CSMD1: variants seen among roughly 807,000 people sequenced by gnomAD.
CSMD1 encodes the protein CUB and sushi domain-containing protein 1.
In CSMD1, 213 loss-of-function variants were observed where a neutral mutation model predicts 417.5. The observed-to-expected ratio is 0.51, with a 90% confidence interval of 0.46 to 0.57. CSMD1 has a LOEUF of 0.57. CSMD1 is among the 20% of genes least tolerant of loss of function. CSMD1 has a pLI of 0.00. For missense variants in CSMD1, 6,923 were observed against 4,529.7 expected (o/e 1.53, Z -15.17); for synonymous variants, 2,862 against 1,736.8 (o/e 1.65, Z -16.11).
intron 26 of CSMD1, among the ~76,000 whole-genome samples, chr8:3,236,426 A>G (rs1468883388): frequency 2.6e-5 from 4 of 152,356 alleles, no homozygotes; most frequent in East Asian, 3.9e-4. Flanking sequence ...AAAACCAATA[A>G]GAAGGCTTGA....
At chr8:4,832,517 G>A (rs532708925) in intron 1 of CSMD1, among the ~76,000 whole-genome samples, 5 of 152,310 alleles carry the variant, frequency 3.3e-5, no homozygotes, top group East Asian at 1.9e-4. Context: ...AAGGAACTGT[G>A]TGAGCTAAAA....
intron 6 of CSMD1, among the ~76,000 whole-genome samples, chr8:3,738,863 T>A (rs984824406): frequency 2.9e-4 from 44 of 152,200 alleles, no homozygotes; most frequent in African/African-American, 9.6e-4. Context: ...ATGTTACTTA[T>A]TAGGGCATTC....
chr8:3,163,481 A>G (rs940031037), intron 37 of CSMD1, among the ~76,000 whole-genome samples: 1 of 151,318 alleles, frequency 6.6e-6, no homozygotes, highest in African/African-American at 2.4e-5. Context: ...GTCCCCAGGC[A>G]CAGAGAGGAC....
intron 10 of CSMD1, among the ~76,000 whole-genome samples, chr8:3,542,043 A>T (rs1033933364): frequency 6.6e-6 from 1 of 152,160 alleles, no homozygotes; most frequent in Non-Finnish European, 1.5e-5. Context: ...GTTGTTAATT[A>T]TCTACTTCCA....
At chr8:3,838,404 A>AG (rs1802844542) in intron 5 of CSMD1, among the ~76,000 whole-genome samples, 1 of 150,184 alleles carries the variant, frequency 6.7e-6, no homozygotes. Context: ...TAGCCTATAT[A>AG]TATAGAGAGA....
intron 3 of CSMD1, among the ~76,000 whole-genome samples, chr8:4,160,223 G>C (rs1184063498): frequency 6.6e-6 from 1 of 152,080 alleles, no homozygotes; most frequent in Non-Finnish European, 1.5e-5. Context: ...CTGGCTAATT[G>C]TTCTTTCTAA....
chr8:4,854,045 T>C (rs1223866840), intron 1 of CSMD1, among the ~76,000 whole-genome samples: 1 of 152,134 alleles, frequency 6.6e-6, no homozygotes, highest in Non-Finnish European at 1.5e-5. Context: ...TGGTTTTTAT[T>C]TTACAGTCTC....
intron 3 of CSMD1, among the ~76,000 whole-genome samples, chr8:4,235,710 G>A (rs1678386824): frequency 6.6e-6 from 1 of 152,158 alleles, no homozygotes; most frequent in Admixed American, 6.5e-5. Flanking sequence ...ATTTATTCTT[G>A]TGATATGTAA....
chr8:3,409,787 C>A (rs1230012826), intron 12 of CSMD1, among the ~76,000 whole-genome samples, 182 bp from the exon 13 acceptor site: 2 of 152,150 alleles, frequency 1.3e-5, no homozygotes, highest in Non-Finnish European at 2.9e-5. Flanking sequence ...AAAAGAATGT[C>A]ATTTCAAATG....
At chr8:4,161,286 C>G (rs1584934532) in intron 3 of CSMD1, among the ~76,000 whole-genome samples, 2 of 152,270 alleles carry the variant, frequency 1.3e-5, no homozygotes, top group South Asian at 2.1e-4. Flanking sequence ...CATAACTCAC[C>G]AGCTACACAT....
chr8:4,431,378 T>C (rs922195184), intron 2 of CSMD1, among the ~76,000 whole-genome samples: 1 of 152,142 alleles, frequency 6.6e-6, no homozygotes, highest in Non-Finnish European at 1.5e-5. Flanking sequence ...GAGGAATTCA[T>C]TGCACTTAGA....
intron 2 of CSMD1, among the ~76,000 whole-genome samples, chr8:4,434,148 G>A (rs1437622254): frequency 6.6e-6 from 1 of 152,106 alleles, no homozygotes; most frequent in East Asian, 1.9e-4. Context: ...GAACAGCTTG[G>A]CCAACATGGT....
chr8:4,596,548 T>A (rs1234679675), intron 2 of CSMD1, among the ~76,000 whole-genome samples: 1 of 137,746 alleles, frequency 7.3e-6, no homozygotes, highest in Non-Finnish European at 1.6e-5. Context: ...GCTATAAGCT[T>A]TTCTAAAAAA....
At chr8:3,820,487 G>A (rs1210804245) in intron 5 of CSMD1, among the ~76,000 whole-genome samples, 1 of 152,204 alleles carries the variant, frequency 6.6e-6, no homozygotes, top group Non-Finnish European at 1.5e-5. Flanking sequence ...CTGGAAGTTT[G>A]TCAGGGTCAA....
chr8:4,781,021 C>T (rs930177347), intron 1 of CSMD1, among the ~76,000 whole-genome samples: 1 of 152,168 alleles, frequency 6.6e-6, no homozygotes, highest in Admixed American at 6.5e-5. Flanking sequence ...GTAATTACCA[C>T]CTGCAAATAG....
chr8:4,376,541 T>C (rs1303875335), intron 3 of CSMD1, among the ~76,000 whole-genome samples: 8 of 152,222 alleles, frequency 5.3e-5, no homozygotes, highest in Admixed American at 3.9e-4. Flanking sequence ...ATTTTTAATT[T>C]AATTTTATCT....
intron 2 of CSMD1, among the ~76,000 whole-genome samples, chr8:4,527,073 G>T (rs1234068724): frequency 6.6e-6 from 1 of 152,068 alleles, no homozygotes; most frequent in Non-Finnish European, 1.5e-5. Context: ...CTGGATCCAA[G>T]ACATAATTTT....
chr8:4,669,444 G>C (rs994356813), intron 1 of CSMD1, among the ~76,000 whole-genome samples: 1 of 152,116 alleles, frequency 6.6e-6, no homozygotes, highest in African/African-American at 2.4e-5. Context: ...TCTAGTTCCT[G>C]AGGAACAACT....
At chr8:3,299,095 A>T (rs1216767326) in intron 25 of CSMD1, among the ~76,000 whole-genome samples, 2 of 152,206 alleles carry the variant, frequency 1.3e-5, no homozygotes, top group Non-Finnish European at 2.9e-5. Flanking sequence ...TTTTTTATTC[A>T]AATGTAAAAT....
Sources: gnomAD v4.1 joint callset for allele counts (sites outside exome capture counted in the v4.1 genomes callset) on GRCh38, gnomAD v4.1.1 for gene constraint, MANE v1.5 for transcripts, NCBI Gene and HGNC (gene_info 2026-07-23, HGNC 2026-07-21) for gene names.